Variants in INTS8 observed in about 807,000 individuals in gnomAD.
The protein encoded by INTS8 is protein kaonashi-1.
INTS8 carries 47 observed loss-of-function variants against 138.9 expected under a neutral mutation model. The observed-to-expected ratio is 0.34, with a 90% CI of 0.27 to 0.43. The LOEUF (loss-of-function observed/expected upper bound fraction) is 0.43. Ranked by LOEUF, INTS8 falls within the 20% of genes least tolerant of loss-of-function variation. INTS8 has a pLI of 1.00. For synonymous variants in INTS8, 392 were observed against 400.9 expected (o/e 0.98, Z 0.27); for missense variants, 996 against 1,173.0 (o/e 0.85, Z 2.20).
intron 6 of INTS8, among the ~76,000 whole-genome samples, chr8:94,835,754 T>A (rs974193173): frequency 4.3e-4 from 66 of 152,202 alleles, no homozygotes; most frequent in African/African-American, 1.4e-3. Context: ...TGTGCGCCAC[T>A]ACGCCTAGCT....
At chr8:94,872,599 G>T (rs1033023974) in intron 21 of INTS8, among the ~76,000 whole-genome samples, 5 of 152,144 alleles carry the variant, frequency 3.3e-5, no homozygotes, top group African/African-American at 1.2e-4. Flanking sequence ...GCTGTTTAGA[G>T]ATTCTAAAAT....
At chr8:94,858,442 C>T (rs1420293944) in intron 15 of INTS8, among the ~76,000 whole-genome samples, 3 of 152,170 alleles carry the variant, frequency 2.0e-5, no homozygotes, top group Non-Finnish European at 4.4e-5. Context: ...TAATAATATG[C>T]TGGCACTAAA....
At chr8:94,828,035 T>C (rs1262284272) in intron 4 of INTS8, among the ~76,000 whole-genome samples, 1 of 110,520 alleles carries the variant, frequency 9.0e-6, no homozygotes, top group African/African-American at 3.5e-5. Flanking sequence ...GCAGTCAAGT[T>C]TTTTTTTTTG....
intron 16 of INTS8, among the ~76,000 whole-genome samples, chr8:94,862,017 T>G (rs1346498109): frequency 6.6e-6 from 1 of 151,270 alleles, no homozygotes; most frequent in Non-Finnish European, 1.5e-5. Context: ...CTCGGCTCAT[T>G]GCAACCTCTA....
chr8:94,844,839 A>G (rs754000828), intron 10 of INTS8, among the ~76,000 whole-genome samples: 83 of 142,722 alleles, frequency 5.8e-4, no homozygotes, highest in Non-Finnish European at 7.9e-4. Context: ...TGTAACCTCC[A>G]CCTCCTGGGT....
In INTS8 at chr8:94,880,481, G is replaced by C; in HGVS notation, c.*247G>C. The C allele has an allele frequency of 3.2e-6, 1 of 312,076 alleles. No individual in the cohort carries two copies. The highest frequency in any genetic ancestry group is 5.7e-6 in the Non-Finnish European group (1 of 173,928). The allele number at this position is 312,076 out of a possible 1,614,324, so 19.3% of individuals were successfully genotyped here. A position where few individuals can be genotyped will look rare whatever the true frequency, so the allele number is the denominator to read the frequency against. ...GATAACAAAATAAACTAGCAATCTAGTTTTCTAATCTACTTTATGAGGCTG... is the reference window on the plus strand; with the variant it reads ...GATAACAAAATAAACTAGCAATCTACTTTTCTAATCTACTTTATGAGGCTG... On this transcript the variant is annotated 3_prime_UTR_variant, in exon 27 of 27. Transcript: ENST00000523731.
chr8:94,876,267 A>C lies in INTS8; in HGVS notation c.2809A>C (p.Ile937Leu). Residue 937 changes from isoleucine (I) to leucine (L), a missense_variant, in exon 25 of 27, where the codon ATT becomes CTT. Physicochemically the swap from Ile to Leu is conservative, Grantham distance 5. Transcript: ENST00000523731. ...SYYDYIWDVT[I>L]LEYLTYLHHK... ...CTACGACTACATATGGGATGTTACC[A>C]TTTTGGAATACTTGACTTGTATCCT... 1 of 1,611,480 alleles carries C rather than the reference A, an allele frequency of 6.2e-7. No homozygotes were observed. The highest frequency in any genetic ancestry group is 8.5e-7 in the Non-Finnish European group (1 of 1,178,082).
At chr8:94,859,008 A>C (rs1316346318) in intron 15 of INTS8, among the ~76,000 whole-genome samples, 1 of 152,160 alleles carries the variant, frequency 6.6e-6, no homozygotes, top group Non-Finnish European at 1.5e-5. Context: ...GCTCACGCCT[A>C]TAATCCCAGC....
intron 1 of INTS8, among the ~76,000 whole-genome samples, chr8:94,824,140 G>A (rs896908139): frequency 6.6e-6 from 1 of 152,196 alleles, no homozygotes; most frequent in Non-Finnish European, 1.5e-5. Flanking sequence ...TAATAGCCCA[G>A]TTAAATGGGT....
At chr8:94,852,266 A>G (rs192393039) in intron 13 of INTS8, among the ~76,000 whole-genome samples, 97 of 152,230 alleles carry the variant, frequency 6.4e-4, no homozygotes, top group Admixed American at 9.8e-4. Context: ...AGTTGTAAAT[A>G]TATGTAAATG....
chr8:94,862,161 A>G (rs1816014008), intron 16 of INTS8, among the ~76,000 whole-genome samples: 1 of 146,688 alleles, frequency 6.8e-6, no homozygotes, highest in Admixed American at 6.8e-5. Flanking sequence ...TGGCAGGTCT[A>G]GAACTCCTGA....
In INTS8 at chr8:94,842,488, G is replaced by A. The variant is rs1174285989; in HGVS notation, c.1260G>A (p.Glu420=). ...AAGAGAAAATAGACTTTCTTCTTGAGGTATGACATGTTTTTCTTTCCCCTT... is the reference window on the plus strand; with the variant it reads ...AAGAGAAAATAGACTTTCTTCTTGAAGTATGACATGTTTTTCTTTCCCCTT... The part of the protein sequence containing the change: ...PNKEKIDFLL[E]VCSRSVNLEK... Residue 420 remains glutamate, a splice_region_variant and synonymous_variant, in exon 10 of 27, where the codon GAG becomes GAA. Coordinates refer to ENST00000523731, the MANE Select transcript of INTS8 (RefSeq NM_017864.4). The A allele has an allele frequency of 6.3e-7, 1 of 1,593,418 alleles. No individual in the cohort carries two copies. The highest frequency in any genetic ancestry group is 8.6e-7 in the Non-Finnish European group (1 of 1,169,392).
chr8:94,860,599 A>AAC (rs1554612616), intron 16 of INTS8, among the ~76,000 whole-genome samples: 4 of 150,398 alleles, frequency 2.7e-5, no homozygotes, highest in African/African-American at 9.8e-5. Context: ...AAAAAAAAAA[A>AAC]AAAAACCCAA....
chr8:94,857,247 A>G (rs955808823), intron 15 of INTS8, among the ~76,000 whole-genome samples: 2 of 151,516 alleles, frequency 1.3e-5, no homozygotes, highest in Non-Finnish European at 2.9e-5. Context: ...TAATTTTTGT[A>G]TTTTTGTAGA....
chr8:94,828,884 C>G, intron 4 of INTS8, 91 bp from the exon 5 acceptor site: 2 of 790,666 alleles, frequency 2.5e-6, no homozygotes, highest in Non-Finnish European at 4.3e-6. Context: ...TAAATTGAAC[C>G]TGACTTTCAA....
chr8:94,849,453 A>C lies in INTS8; in HGVS notation c.1261-9A>C. The C allele has an allele frequency of 7.1e-7, 1 of 1,412,984 alleles. No homozygotes were observed. Among genetic ancestry groups the C allele is most frequent in the East Asian group, 2.3e-5 (1 of 42,742 alleles). 87.5% of individuals were successfully genotyped at this position (1,412,984 alleles called of 1,614,324 possible). A position where few individuals can be genotyped will look rare whatever the true frequency, so the allele number is the denominator to read the frequency against. ...CCCATATTCAAATGAAAATTACTCA[A>C]ATTCCTAGGTATGTTCAAGATCAGT... On this transcript the variant is annotated splice_polypyrimidine_tract_variant and intron_variant, in intron 10 of 26. Coordinates refer to ENST00000523731, the MANE Select transcript of INTS8 (RefSeq NM_017864.4).
rs1038023837 is a variant in INTS8, at chr8:94,823,377, A to C, written c.-55A>C. ...ATACCCCAGGCACCGGCCCGCATCC[A>C]AGTGTCAGGTTGGAGCCGGGAAGCG... is the stretch of plus-strand genomic sequence containing the variant. On this transcript the variant is annotated 5_prime_UTR_variant, in exon 1 of 27. Coordinates refer to ENST00000523731, the MANE Select transcript of INTS8 (RefSeq NM_017864.4). 23 of 1,505,242 alleles carry C rather than the reference A, an allele frequency of 1.5e-5. No homozygotes were observed. In the African/African-American group the frequency reaches 3.2e-4, roughly 21 times the overall value. The allele number at this position is 1,505,242 out of a possible 1,614,324, so 93.2% of individuals were successfully genotyped here.
chr8:94,867,264 T>TC lies in INTS8; in HGVS notation c.2353-12_2353-11insC. ...TTCTTTGTAAATCACACCTTTTTTT[T>TC]TCTTTTTAAAGGAGGACATTGTGAA... On this transcript the variant is annotated splice_polypyrimidine_tract_variant and intron_variant, in intron 19 of 26. Transcript: ENST00000523731. 6.2e-7 allele frequency: 1 copy of TC among 1,605,464 alleles called. No individual in the cohort carries two copies. The highest frequency in any genetic ancestry group is 8.5e-7 in the Non-Finnish European group (1 of 1,176,820).
chr8:94,860,974 A>C (rs370871206), intron 16 of INTS8, among the ~76,000 whole-genome samples: 3 of 148,304 alleles, frequency 2.0e-5, no homozygotes, highest in African/African-American at 7.4e-5. Flanking sequence ...GGAGAATGGC[A>C]TGAACCCGGG....
Sources: gnomAD v4.1 joint callset for allele counts (sites outside exome capture counted in the v4.1 genomes callset) on GRCh38, gnomAD v4.1.1 for gene constraint, MANE v1.5 for transcripts, NCBI Gene and HGNC (gene_info 2026-07-23, HGNC 2026-07-21) for gene names.